CCDC174: variants seen among roughly 807,000 people sequenced by gnomAD.
CCDC174 encodes coiled-coil domain containing 174.
In CCDC174, 37 loss-of-function variants were observed where a neutral mutation model predicts 57.1. The observed-to-expected ratio is 0.65, with a 90% CI of 0.50 to 0.85. CCDC174 has a LOEUF of 0.85. Among genes scored for constraint, CCDC174 ranks in the 40% least tolerant of loss-of-function variants. CCDC174 has a pLI of 0.00. For missense variants in CCDC174, 540 were observed against 574.3 expected (o/e 0.94, Z 0.61); for synonymous variants, 182 against 190.2 (o/e 0.96, Z 0.35).
rs1427668481 is a variant in CCDC174 at position 14,667,052 on chromosome 3, A to G, written c.724+105A>G. On this transcript the variant is annotated intron_variant, in intron 7 of 10. Transcript: ENST00000383794. Reference sequence around the variant, plus strand: ...AAGCAATAGCTTTTACATGGAAATTAAAGATCCTGCTTTGGAAATAGAAAA... The same window carrying G: ...AAGCAATAGCTTTTACATGGAAATTGAAGATCCTGCTTTGGAAATAGAAAA... The G allele has an allele frequency of 4.1e-6, 4 of 973,314 alleles. No individual in the cohort carries two copies. The Admixed American group carries it at 1.1e-4, about 26-fold the overall frequency. 60.3% of individuals were successfully genotyped at this position (973,314 alleles called of 1,614,324 possible).
rs190775599 is a variant in CCDC174, at chr3:14,655,265, C to T, written c.148-264C>T. Among the ~76,000 whole-genome samples, 699 of 151,728 alleles carry T rather than the reference C, an allele frequency of 4.6e-3. 3 individuals carry two copies. Among genetic ancestry groups the T allele is most frequent in the South Asian group, 0.011 (55 of 4,812 alleles). ...TGTTGAGGCTGCAGTGAGCTGAGAT[C>T]GCACCACCACACTCCAGCCTGGGTG... On this transcript the variant is annotated intron_variant, in intron 2 of 10. Transcript: ENST00000383794.
chr3:14,667,081 C>T (rs2031367972), intron 7 of CCDC174, 134 bp downstream of exon 7: 7 of 761,368 alleles, frequency 9.2e-6, no homozygotes, highest in Non-Finnish European at 1.3e-5. Context: ...TAGAAAATAT[C>T]TCCTTTGTTC....
rs551301224 is a variant in CCDC174, at chr3:14,670,836, A to G, written c.1106-60A>G. 6 of 1,343,892 alleles carry G rather than the reference A, an allele frequency of 4.5e-6. No homozygotes were observed. In the East Asian group the frequency reaches 1.5e-4, roughly 33 times the overall value. 83.2% of individuals were successfully genotyped at this position (1,343,892 alleles called of 1,614,324 possible). A position where few individuals can be genotyped will look rare whatever the true frequency, so the allele number is the denominator to read the frequency against. On this transcript the variant is annotated intron_variant, in intron 10 of 10. Coordinates refer to ENST00000383794, the MANE Select transcript of CCDC174 (RefSeq NM_016474.5). ...TATATGATACAATTAGATAATAGTA[A>G]CAATAAATTCAACTGATTCGTTAAT...
chr3:14,652,521 A>T (rs2030805982), intron 1 of CCDC174, among the ~76,000 whole-genome samples: 1 of 152,176 alleles, frequency 6.6e-6, no homozygotes, highest in African/African-American at 2.4e-5. Context: ...TGGCTTTAGG[A>T]GGTAGGTGCT....
In CCDC174 at chr3:14,654,453, C is replaced by T. The variant is rs749827723; in HGVS notation, c.70C>T (p.Arg24Ter). 8.1e-6 allele frequency: 13 copies of T among 1,605,418 alleles called. No individual in the cohort carries two copies. Among genetic ancestry groups the T allele is most frequent in the East Asian group, 2.2e-5 (1 of 44,472 alleles). Residue 24 changes from arginine to a stop codon, truncating the protein, a stop_gained, in exon 2 of 11, where the codon CGA becomes TGA. Coordinates refer to ENST00000383794, the MANE Select transcript of CCDC174 (RefSeq NM_016474.5). LOFTEE classifies it high-confidence loss of function. The stretch of plus-strand genomic sequence containing the variant: ...GGTAGATCTTAAGGCTGAACTCTTC[C>T]GAAAGCAAGAAGAATTCAAACAAGA... ...SLVDLKAELF[R>*]KQEEFKQEKL...
In CCDC174 at chr3:14,655,085, G is replaced by A. The variant is rs146649944; in HGVS notation, c.148-444G>A. 1.6e-3 allele frequency among the ~76,000 whole-genome samples: 247 copies of A among 152,332 alleles called. 1 individual carries two copies. The highest frequency in any genetic ancestry group is 5.9e-3 in the African/African-American group (245 of 41,578). ...AATCCCATCTCTTTGGAAGGCCGAG[G>A]CAGGCAGATCACTTGACCCCAGGAG... is the stretch of plus-strand genomic sequence containing the variant. On this transcript the variant is annotated intron_variant, in intron 2 of 10. Transcript: ENST00000383794.
chr3:14,666,714 G>T (rs2031353025), intron 6 of CCDC174, 91 bp from the exon 7 acceptor site: 9 of 1,004,392 alleles, frequency 9.0e-6, no homozygotes, highest in Non-Finnish European at 1.3e-5. Flanking sequence ...TTATCAAATA[G>T]TGTTACTTAT....
Position 14,671,031 on chromosome 3 carries a change from C to T in CCDC174, c.1241C>T (p.Pro414Leu). The change falls in exon 11 of 11, where the codon CCT becomes CTT. Residue 414 changes from proline (P) to leucine (L), a missense_variant. By Grantham distance (98) the Pro-to-Leu change is moderately conservative (BLOSUM62 -3). Coordinates refer to ENST00000383794, the MANE Select transcript of CCDC174 (RefSeq NM_016474.5). ...TCCAGCAGCCAGGCATGGAGCAGAC[C>T]TGGGCCAGCACAGAGTGACCCAGGG... ...GFSSSQAWSRPGPAQSDPGQC... is the reference protein window; with the variant it reads ...GFSSSQAWSRLGPAQSDPGQC... The T allele has an allele frequency of 6.2e-7, 1 of 1,614,182 alleles. No homozygotes were observed. The highest frequency in any genetic ancestry group is 8.5e-7 in the Non-Finnish European group (1 of 1,180,038).
intron 4 of CCDC174, among the ~76,000 whole-genome samples, chr3:14,660,783 T>C (rs2031106086): frequency 6.6e-6 from 1 of 152,234 alleles, no homozygotes; most frequent in Non-Finnish European, 1.5e-5. Flanking sequence ...ATCTCTGTCA[T>C]CAGAGAAAAA....
chr3:14,665,964 G>A (rs2031320015), intron 6 of CCDC174, among the ~76,000 whole-genome samples: 1 of 147,022 alleles, frequency 6.8e-6, no homozygotes, highest in Non-Finnish European at 1.5e-5. Flanking sequence ...CGTGAACCCA[G>A]GAGGCAGAGC....
At chr3:14,659,421 T>G (rs1327889053) in intron 4 of CCDC174, among the ~76,000 whole-genome samples, 3 of 152,218 alleles carry the variant, frequency 2.0e-5, no homozygotes, top group Non-Finnish European at 4.4e-5. Flanking sequence ...GTGTAGTGGC[T>G]TACGCTTGTA....
chr3:14,652,827 G>A (rs925906876), intron 1 of CCDC174, among the ~76,000 whole-genome samples: 1 of 150,770 alleles, frequency 6.6e-6, no homozygotes, highest in Non-Finnish European at 1.5e-5. Flanking sequence ...GCTTGAACCG[G>A]GGAGGCGGAG....
Position 14,671,249 on chromosome 3 carries a change from G to C in CCDC174, c.*55G>C, listed in dbSNP as rs1018208410. 1 of 1,489,640 alleles carries C rather than the reference G, an allele frequency of 6.7e-7. No individual in the cohort carries two copies. The highest frequency in any genetic ancestry group is 1.9e-5 in the Admixed American group (1 of 51,966). The allele number at this position is 1,489,640 out of a possible 1,614,324, so 92.3% of individuals were successfully genotyped here. Reference sequence around the variant, plus strand: ...ACTTTGACAGTGCCTTTCTCTCCCAGAGGGAGAAATAACTTTAGGAACTGA... The same window carrying C: ...ACTTTGACAGTGCCTTTCTCTCCCACAGGGAGAAATAACTTTAGGAACTGA... On this transcript the variant is annotated 3_prime_UTR_variant, in exon 11 of 11. Coordinates refer to ENST00000383794, the MANE Select transcript of CCDC174 (RefSeq NM_016474.5).
intron 5 of CCDC174, 46 bp downstream of exon 5, chr3:14,661,753 C>G (rs973287700): frequency 1.3e-6 from 2 of 1,514,390 alleles, no homozygotes; most frequent in Non-Finnish European, 1.8e-6. Flanking sequence ...CTCAGACTTG[C>G]GCTGACATTT....
chr3:14,670,159 G>C, intron 10 of CCDC174, 73 bp downstream of exon 10: 1 of 1,483,156 alleles, frequency 6.7e-7, no homozygotes, highest in Non-Finnish European at 9.1e-7. Context: ...AGAAGCACTT[G>C]GGGTAAGTTT....
At chr3:14,665,400 A>C (rs1287412125) in intron 6 of CCDC174, among the ~76,000 whole-genome samples, 1 of 152,170 alleles carries the variant, frequency 6.6e-6, no homozygotes, top group Non-Finnish European at 1.5e-5. Flanking sequence ...ACCCAAACGA[A>C]ACCAGCAAAC....
chr3:14,657,357 T>C (rs1422720384), intron 3 of CCDC174, among the ~76,000 whole-genome samples: 4 of 152,214 alleles, frequency 2.6e-5, no homozygotes, highest in African/African-American at 9.6e-5. Context: ...GTGAGGTGGT[T>C]AATACTTAGG....
chr3:14,668,192 G>T lies in CCDC174; in HGVS notation c.952+11G>T, dbSNP rs761427122. On this transcript the variant is annotated intron_variant, in intron 9 of 10. Transcript: ENST00000383794. ...AAGAAGAAAATAGAGGTATATCATG[G>T]CTATGTTGCTGAACTTCAAAAGGGA... is the stretch of plus-strand genomic sequence containing the variant. 5.0e-6 allele frequency: 8 copies of T among 1,586,614 alleles called. No individual in the cohort carries two copies. The highest frequency in any genetic ancestry group is 6.8e-6 in the Non-Finnish European group (8 of 1,170,758).
At chr3:14,662,602 G>T (rs17040053) in intron 5 of CCDC174, among the ~76,000 whole-genome samples, 7,598 of 152,248 alleles carry the variant, frequency 0.05, 476 homozygotes, top group African/African-American at 0.15. Flanking sequence ...GCTTGAAATT[G>T]CTGAGAGCTG....
Sources: allele counts gnomAD v4.1 joint callset (sites outside exome capture counted in the v4.1 genomes callset), GRCh38; gene constraint gnomAD v4.1.1; transcripts MANE v1.5; gene names NCBI Gene and HGNC (gene_info 2026-07-23, HGNC 2026-07-21).